The following GRID1 variants were observed in gnomAD, a reference collection of about 807,000 sequenced individuals.
GRID1 encodes the protein glutamate receptor ionotropic, delta-1.
Under a neutral mutation model 98.0 loss-of-function variants are expected in GRID1, and 28 were observed. That is an observed-to-expected ratio of 0.29 (90% CI 0.21 to 0.39). GRID1 has a LOEUF of 0.39. Among genes scored for constraint, GRID1 ranks in the 10% least tolerant of loss-of-function variants. The pLI is 1.00. For missense variants in GRID1, 1,111 were observed against 1,340.5 expected, an observed-to-expected ratio of 0.83 and a Z score of 2.67; for synonymous variants, 553 against 538.5, an observed-to-expected ratio of 1.03 and a Z score of -0.37.
At chr10:86,260,729 G>C (rs1237185781) in intron 2 of GRID1, among the ~76,000 whole-genome samples, 1 of 152,192 alleles carries the variant, frequency 6.6e-6, no homozygotes, top group African/African-American at 2.4e-5. Context: ...TTGGGAATGA[G>C]ATAACCATGA....
At chr10:85,928,584 G>A (rs1017275488) in intron 4 of GRID1, among the ~76,000 whole-genome samples, 10 of 152,206 alleles carry the variant, frequency 6.6e-5, no homozygotes, top group Admixed American at 3.3e-4. Flanking sequence ...CTTGCACCAC[G>A]ACTGATTCAC....
intron 8 of GRID1, among the ~76,000 whole-genome samples, chr10:85,790,259 C>A (rs1842466355): frequency 6.6e-6 from 1 of 152,188 alleles, no homozygotes; most frequent in Non-Finnish European, 1.5e-5. Context: ...CCATGACTGG[C>A]AGATACCAGG....
intron 15 of GRID1, chr10:85,606,433 A>C (rs1354419223): frequency 1.3e-5 from 2 of 152,232 alleles, no homozygotes; most frequent in African/African-American, 2.4e-5. Context: ...AAACCCTAGG[A>C]GATGAGGGTG....
At position 85,774,339 on chromosome 10, in the gene GRID1, G is replaced by A. The variant is rs974869838; in HGVS notation, c.1234-44725C>T. On this transcript the variant is annotated intron_variant, in intron 8 of 15. Coordinates refer to ENST00000327946, the MANE Select transcript of GRID1 (RefSeq NM_017551.3). ...AAAAATTAATTCAAGATGGATTAAAGACTTAAATGTTAGACCTAAAACCAT... is the reference window on the plus strand; with the variant it reads ...AAAAATTAATTCAAGATGGATTAAAAACTTAAATGTTAGACCTAAAACCAT... Among the ~76,000 whole-genome samples the A allele has an allele frequency of 4.3e-4, 66 of 152,182 alleles. 1 individual carries two copies. Among genetic ancestry groups the A allele is most frequent in the Non-Finnish European group, 7.3e-5 (5 of 68,044 alleles).
At chr10:85,963,701 C>T (rs1275243967) in intron 4 of GRID1, among the ~76,000 whole-genome samples, 2 of 152,178 alleles carry the variant, frequency 1.3e-5, no homozygotes, top group African/African-American at 4.8e-5. Context: ...GTAGATATAG[C>T]CACTACATTC....
chr10:86,104,755 C>A (rs1844354874), intron 4 of GRID1, among the ~76,000 whole-genome samples: 1 of 152,250 alleles, frequency 6.6e-6, no homozygotes, highest in South Asian at 2.1e-4. Flanking sequence ...CAAACCCACA[C>A]CCTAGCATGC....
intron 8 of GRID1, among the ~76,000 whole-genome samples, chr10:85,840,886 T>C (rs1842955236): frequency 6.6e-6 from 1 of 152,198 alleles, no homozygotes; most frequent in Non-Finnish European, 1.5e-5. Flanking sequence ...ATAGAAAGAA[T>C]CAATATTGTT....
At chr10:85,963,151 T>A (rs565147985) in intron 4 of GRID1, among the ~76,000 whole-genome samples, 1 of 152,164 alleles carries the variant, frequency 6.6e-6, no homozygotes, top group Non-Finnish European at 1.5e-5. Context: ...CTGGAGGCAG[T>A]TGAAACTTAG....
At chr10:86,056,501 T>C (rs1466530231) in intron 4 of GRID1, among the ~76,000 whole-genome samples, 1 of 152,130 alleles carries the variant, frequency 6.6e-6, no homozygotes, top group East Asian at 1.9e-4. Flanking sequence ...AAGCCAGAAC[T>C]CTTAGGATCT....
chr10:86,222,181 G>A, intron 2 of GRID1, among the ~76,000 whole-genome samples: 1 of 152,298 alleles, frequency 6.6e-6, no homozygotes, highest in Non-Finnish European at 1.5e-5. Context: ...ATTTGCAGAG[G>A]GGGCACCTGA....
At chr10:86,090,670 G>A (rs961033148) in intron 4 of GRID1, among the ~76,000 whole-genome samples, 1 of 152,202 alleles carries the variant, frequency 6.6e-6, no homozygotes, top group African/African-American at 2.4e-5. Context: ...TGCAGGTCTA[G>A]ACAGAGCAAT....
At chr10:85,656,753 C>A (rs1840899768) in intron 12 of GRID1, among the ~76,000 whole-genome samples, 1 of 152,186 alleles carries the variant, frequency 6.6e-6, no homozygotes. Flanking sequence ...TATCAAGATA[C>A]ATCTAGAATC....
chr10:86,000,755 C>G (rs906381944), intron 4 of GRID1, among the ~76,000 whole-genome samples: 1 of 152,146 alleles, frequency 6.6e-6, no homozygotes, highest in African/African-American at 2.4e-5. Context: ...AGCCTCACAC[C>G]TTTCCCAAAA....
At chr10:85,934,047 G>A (rs1354242471) in intron 4 of GRID1, among the ~76,000 whole-genome samples, 1 of 152,156 alleles carries the variant, frequency 6.6e-6, no homozygotes, top group East Asian at 1.9e-4. Flanking sequence ...GGCAAGAAGG[G>A]AAGCCACTGA....
chr10:85,719,136 G>A (rs1008671153), intron 12 of GRID1, among the ~76,000 whole-genome samples: 6 of 152,146 alleles, frequency 3.9e-5, no homozygotes, highest in African/African-American at 9.7e-5. Context: ...TCCAGTTCCC[G>A]ATAAGTTCCT....
chr10:85,885,722 T>C (rs961591152), intron 5 of GRID1, among the ~76,000 whole-genome samples: 3 of 152,194 alleles, frequency 2.0e-5, no homozygotes, highest in South Asian at 4.1e-4. Context: ...GCTAGAAAGA[T>C]GACTGAATAC....
At chr10:86,143,079 TG>T (rs1369287661) in intron 3 of GRID1, among the ~76,000 whole-genome samples, 1 of 152,218 alleles carries the variant, frequency 6.6e-6, no homozygotes, top group Non-Finnish European at 1.5e-5. Context: ...TTATGCTCCT[TG>T]CCAGCGGTGG....
rs534363239 is a variant in GRID1, at chr10:86,234,011, G to T, written c.236-27363C>A. The stretch of plus-strand genomic sequence containing the variant: ...CTGCCTCCTTGCTGGGTTGACTGTG[G>T]CTGCACTACCTGCTCCAGTTGCTGT... On this transcript the variant is annotated intron_variant, in intron 2 of 15. Transcript: ENST00000327946. 4.5e-3 allele frequency among the ~76,000 whole-genome samples: 685 copies of T among 152,200 alleles called. 3 individuals carry two copies. Among genetic ancestry groups the T allele is most frequent in the Middle Eastern group, 0.02 (6 of 294 alleles).
intron 13 of GRID1, among the ~76,000 whole-genome samples, chr10:85,637,240 G>T (rs766003334): frequency 9.9e-5 from 15 of 152,172 alleles, no homozygotes; most frequent in Non-Finnish European, 1.5e-4. Context: ...ACTGCATTTA[G>T]GTGGTGAAAA....
Sources: gnomAD v4.1 joint callset for allele counts (sites outside exome capture counted in the v4.1 genomes callset) on GRCh38, gnomAD v4.1.1 for gene constraint, MANE v1.5 for transcripts, NCBI Gene and HGNC (gene_info 2026-07-23, HGNC 2026-07-21) for gene names.